The following GMCL1 variants were observed in gnomAD, a reference collection of about 807,000 sequenced individuals.
GMCL1 encodes the protein germ cell-less 1, spermatogenesis associated, also known as germ cell-less protein-like 1.
GMCL1 carries 54 observed loss-of-function variants against 75.5 expected under a neutral mutation model. The observed-to-expected ratio is 0.71, with a 90% CI of 0.57 to 0.90. GMCL1 has a LOEUF of 0.90. Ranked by LOEUF, GMCL1 falls within the 40% of genes least tolerant of loss-of-function variation. The pLI is 0.00. For missense variants in GMCL1, 537 were observed against 622.7 expected, an observed-to-expected ratio of 0.86 and a Z score of 1.47; for synonymous variants, 210 against 209.6, an observed-to-expected ratio of 1.00 and a Z score of -0.02.
chr2:69,872,171 G>C (rs1558552674), intron 13 of GMCL1, among the ~76,000 whole-genome samples: 1 of 152,114 alleles, frequency 6.6e-6, no homozygotes, highest in Non-Finnish European at 1.5e-5. Flanking sequence ...TGTACATAGT[G>C]CATTTATTTA....
At chr2:69,855,746 T>A (rs901748723) in intron 9 of GMCL1, among the ~76,000 whole-genome samples, 4 of 152,202 alleles carry the variant, frequency 2.6e-5, no homozygotes, top group Non-Finnish European at 5.9e-5. Context: ...TAGATACTGT[T>A]TAAGTCACAA....
chr2:69,872,495 T>C (rs749880387), intron 13 of GMCL1, among the ~76,000 whole-genome samples: 1 of 152,238 alleles, frequency 6.6e-6, no homozygotes. Flanking sequence ...AAGCCTGTTA[T>C]AGTTTACATA....
chr2:69,831,856 C>A (rs967724832), intron 1 of GMCL1, among the ~76,000 whole-genome samples: 3 of 152,154 alleles, frequency 2.0e-5, no homozygotes, highest in Non-Finnish European at 4.4e-5. Context: ...GATCCTGTTG[C>A]CTTGACCTCC....
intron 5 of GMCL1, among the ~76,000 whole-genome samples, chr2:69,843,467 G>T (rs1262237661): frequency 6.6e-6 from 1 of 152,138 alleles, no homozygotes; most frequent in East Asian, 1.9e-4. Flanking sequence ...AGTGACCATA[G>T]GTGGGTTATA....
At chr2:69,838,459 G>C (rs1000565389) in intron 2 of GMCL1, among the ~76,000 whole-genome samples, 6 of 151,180 alleles carry the variant, frequency 4.0e-5, no homozygotes, top group African/African-American at 1.5e-4. Context: ...TATTGTTTGA[G>C]GCACTAGAAA....
At chr2:69,834,118 T>C (rs1466398267) in intron 1 of GMCL1, among the ~76,000 whole-genome samples, 1 of 152,192 alleles carries the variant, frequency 6.6e-6, no homozygotes, top group Non-Finnish European at 1.5e-5. Context: ...TTTTTTTGTA[T>C]TGCTTTTTTA....
In GMCL1 at chr2:69,839,566, A is replaced by G; in HGVS notation, c.481+13A>G. On this transcript the variant is annotated intron_variant, in intron 3 of 13. Transcript: ENST00000282570. Reference sequence around the variant, plus strand: ...ATTGATGTAGAAGGTAACTACCACAATAATTACTATTATGCAACAATCGTA... The same window carrying G: ...ATTGATGTAGAAGGTAACTACCACAGTAATTACTATTATGCAACAATCGTA... 7.4e-7 allele frequency: 1 copy of G among 1,356,526 alleles called. No individual in the cohort carries two copies. The highest frequency in any genetic ancestry group is 1.1e-6 in the Non-Finnish European group (1 of 949,568). 84.0% of individuals were successfully genotyped at this position (1,356,526 alleles called of 1,614,324 possible). A position where few individuals can be genotyped will look rare whatever the true frequency, so the allele number is the denominator to read the frequency against.
chr2:69,830,398 G>A (rs985910069), intron 1 of GMCL1, among the ~76,000 whole-genome samples: 27 of 152,224 alleles, frequency 1.8e-4, no homozygotes, highest in African/African-American at 6.5e-4. Flanking sequence ...CCCAAGATGA[G>A]GATGAGAAAC....
intron 8 of GMCL1, among the ~76,000 whole-genome samples, chr2:69,853,928 G>A (rs34459059): frequency 0.079 from 12,016 of 151,674 alleles, 1,243 homozygotes; most frequent in Admixed American, 0.23. Context: ...CAGCCTCCCA[G>A]TTAGCTGGGT....
chr2:69,860,449 T>C (rs1383356867), intron 9 of GMCL1, among the ~76,000 whole-genome samples: 2 of 152,118 alleles, frequency 1.3e-5, no homozygotes, highest in Non-Finnish European at 2.9e-5. Flanking sequence ...TTATGTTATC[T>C]AAATCTAATA....
intron 1 of GMCL1, 55 bp downstream of exon 1, chr2:69,830,207 G>A: frequency 6.6e-7 from 1 of 1,514,202 alleles, no homozygotes; most frequent in Non-Finnish European, 8.8e-7. Flanking sequence ...TGGGCCTGGG[G>A]CCGAGCCGGC....
chr2:69,857,655 T>C (rs1199674780), intron 9 of GMCL1, among the ~76,000 whole-genome samples: 3 of 152,194 alleles, frequency 2.0e-5, no homozygotes, highest in Non-Finnish European at 2.9e-5. Flanking sequence ...CTCCATAATT[T>C]TGTGTTAATA....
intron 7 of GMCL1, among the ~76,000 whole-genome samples, chr2:69,847,856 C>T (rs1359578543): frequency 6.6e-6 from 1 of 151,692 alleles, no homozygotes; most frequent in Non-Finnish European, 1.5e-5. Context: ...CTGTTTTTTC[C>T]CAGACTTTTC....
chr2:69,847,354 A>G (rs924678505), intron 6 of GMCL1, among the ~76,000 whole-genome samples, 189 bp from the exon 7 acceptor site: 1 of 152,230 alleles, frequency 6.6e-6, no homozygotes, highest in Non-Finnish European at 1.5e-5. Context: ...AGATTGCACT[A>G]TCTGAATTAA....
chr2:69,869,887 C>A, intron 12 of GMCL1, 23 bp downstream of exon 12: 5 of 1,600,718 alleles, frequency 3.1e-6, no homozygotes, highest in East Asian at 2.2e-5. Flanking sequence ...TTCCCCACCC[C>A]ACTCCTCCTC....
At chr2:69,841,089 TCAAAGTGTGTACTCCAAAAA>T in intron 4 of GMCL1, 50 bp downstream of exon 4, 1 of 1,335,278 alleles carries the variant, frequency 7.5e-7, no homozygotes, top group Non-Finnish European at 1.1e-6. Context: ...AATCTTTGTC[TCAAAGTGTGTACTCCAAAAA>T]CAAAAATAAA....
chr2:69,835,278 C>T (rs1184647285), intron 1 of GMCL1, among the ~76,000 whole-genome samples: 1 of 151,974 alleles, frequency 6.6e-6, no homozygotes, highest in Non-Finnish European at 1.5e-5. Flanking sequence ...TGTCTTTAGT[C>T]TCTAAAAGCT....
Position 69,860,775 on chromosome 2 carries a change from C to A in GMCL1, c.1073-503C>A, listed in dbSNP as rs139253550. On this transcript the variant is annotated intron_variant, in intron 9 of 13. Transcript: ENST00000282570. The stretch of plus-strand genomic sequence containing the variant: ...GTAAAACCTTTACCACTTTAAAGAT[C>A]ATTCAGCCATTATAGTATTTTTGTA... 9.9e-5 allele frequency among the ~76,000 whole-genome samples: 15 copies of A among 152,256 alleles called. No individual in the cohort carries two copies. In the East Asian group the frequency reaches 2.9e-3, roughly 29 times the overall value.
chr2:69,871,033 G>A (rs938466796), intron 12 of GMCL1, among the ~76,000 whole-genome samples: 1 of 152,130 alleles, frequency 6.6e-6, no homozygotes, highest in African/African-American at 2.4e-5. Context: ...TAGACCAGAA[G>A]AATTGAAAAT....
Sources: gnomAD v4.1 joint callset for allele counts (sites outside exome capture counted in the v4.1 genomes callset) on GRCh38, gnomAD v4.1.1 for gene constraint, MANE v1.5 for transcripts, NCBI Gene and HGNC (gene_info 2026-07-23, HGNC 2026-07-21) for gene names.